Variants in GTF2A2 observed in about 807,000 individuals in gnomAD.
GTF2A2 encodes transcription initiation factor IIA subunit 2.
A neutral mutation model predicts 14.3 loss-of-function variants in GTF2A2; 9 were observed. That is an observed-to-expected ratio of 0.63 (90% CI 0.38 to 1.10). The LOEUF (loss-of-function observed/expected upper bound fraction) is 1.10. Ranked by LOEUF, GTF2A2 falls within the 50% of genes least tolerant of loss-of-function variation. GTF2A2 has a pLI of 0.01. For synonymous variants in GTF2A2, 56 were observed against 46.0 expected (o/e 1.22, Z -0.88); for missense variants, 90 against 124.6 (o/e 0.72, Z 1.32).
intron 3 of GTF2A2, among the ~76,000 whole-genome samples, chr15:59,648,976 T>C (rs1891707427): frequency 1.3e-5 from 2 of 151,992 alleles, no homozygotes; most frequent in African/African-American, 2.4e-5. Flanking sequence ...TATAAAACAA[T>C]TTAACATGCT....
intron 4 of GTF2A2, among the ~76,000 whole-genome samples, chr15:59,641,629 G>C (rs1285488095): frequency 6.6e-6 from 1 of 152,132 alleles, no homozygotes; most frequent in Non-Finnish European, 1.5e-5. Context: ...AAACATTTAA[G>C]GACCTGAAGA....
At chr15:59,640,474 G>A (rs1891374895) in intron 4 of GTF2A2, among the ~76,000 whole-genome samples, 1 of 152,098 alleles carries the variant, frequency 6.6e-6, no homozygotes, top group South Asian at 2.1e-4. Flanking sequence ...TGTCCAATAT[G>A]GTAACCACTG....
At position 59,639,118 on chromosome 15, in the gene GTF2A2, C is replaced by T. The variant is rs1891291406; in HGVS notation, c.*14G>A. 7.2e-7 allele frequency: 1 copy of T among 1,389,246 alleles called. No homozygotes were observed. Among genetic ancestry groups the T allele is most frequent in the Non-Finnish European group, 1.0e-6 (1 of 978,372 alleles). 86.1% of individuals were successfully genotyped at this position (1,389,246 alleles called of 1,614,324 possible). On this transcript the variant is annotated 3_prime_UTR_variant, in exon 5 of 5. Coordinates refer to ENST00000396060, the MANE Select transcript of GTF2A2 (RefSeq NM_004492.3). ...ATAACAGAAGATGGTGTAAAAAAGT[C>T]ATATTTTTTCTATTCATTCTGTAGT...
At chr15:59,641,240 T>C (rs77636978) in intron 4 of GTF2A2, among the ~76,000 whole-genome samples, 4,504 of 151,182 alleles carry the variant, frequency 0.03, 227 homozygotes, top group African/African-American at 0.1. Context: ...CATTTACTAA[T>C]GTCTACATAT....
intron 4 of GTF2A2, among the ~76,000 whole-genome samples, chr15:59,639,463 A>AT (rs1158830832): frequency 1.0e-4 from 4 of 39,234 alleles, no homozygotes; most frequent in Admixed American, 4.6e-4. Context: ...TACTGTCCCA[A>AT]ATTTTTTTTT....
chr15:59,640,378 A>T (rs1011061432), intron 4 of GTF2A2: 2 of 152,166 alleles, frequency 1.3e-5, no homozygotes, highest in African/African-American at 4.8e-5. Context: ...CAGAGGCTTT[A>T]TTTACTGATT....
chr15:59,640,397 C>G (rs1362593593), intron 4 of GTF2A2, among the ~76,000 whole-genome samples: 1 of 152,204 alleles, frequency 6.6e-6, no homozygotes, highest in African/African-American at 2.4e-5. Context: ...TTTTCTGGTT[C>G]TCAGCTATGG....
chr15:59,641,828 G>T lies in GTF2A2; in HGVS notation c.304+308C>A, dbSNP rs561452143. ...GTAAAAATTATTCCTTAAAGTAAAA[G>T]GTGTCTGAAAAGCCTGATAAACACT... On this transcript the variant is annotated intron_variant, in intron 4 of 4. Transcript: ENST00000396060. Among the ~76,000 whole-genome samples, 5 of 152,226 alleles carry T rather than the reference G, an allele frequency of 3.3e-5. No individual in the cohort carries two copies. The East Asian group carries it at 9.6e-4, about 29-fold the overall frequency.
chr15:59,645,413 G>A (rs184681474), intron 3 of GTF2A2, among the ~76,000 whole-genome samples: 3 of 152,192 alleles, frequency 2.0e-5, no homozygotes, highest in Admixed American at 6.5e-5. Flanking sequence ...AGAGCAACAG[G>A]CCAGGGAATA....
Position 59,657,445 on chromosome 15 carries a change from C to A in GTF2A2, c.-89G>T, listed in dbSNP as rs1024748847. 11 of 152,554 alleles carry A rather than the reference C, an allele frequency of 7.2e-5. No individual in the cohort carries two copies. The highest frequency in any genetic ancestry group is 2.7e-4 in the African/African-American group (11 of 41,480). The allele number at this position is 152,554 out of a possible 1,614,324, so 9.5% of individuals were successfully genotyped here. The stretch of plus-strand genomic sequence containing the variant: ...CTTCCCTCCGCGGAGCGGACAGAAG[C>A]CGCCACGAGCCCGGCAGGAGGTTCC... On this transcript the variant is annotated 5_prime_UTR_variant, in exon 1 of 5. Coordinates refer to ENST00000396060, the MANE Select transcript of GTF2A2 (RefSeq NM_004492.3).
intron 3 of GTF2A2, among the ~76,000 whole-genome samples, chr15:59,647,162 G>C (rs1891633106): frequency 6.6e-6 from 1 of 152,080 alleles, no homozygotes; most frequent in Non-Finnish European, 1.5e-5. Flanking sequence ...GCATGATCAT[G>C]GCTCACTGCA....
chr15:59,646,717 A>G (rs1335624759), intron 3 of GTF2A2, among the ~76,000 whole-genome samples: 2 of 152,226 alleles, frequency 1.3e-5, no homozygotes, highest in Non-Finnish European at 2.9e-5. Flanking sequence ...ATTAAAGTAT[A>G]TTAAATGCCT....
intron 4 of GTF2A2, among the ~76,000 whole-genome samples, chr15:59,639,892 A>C (rs1167437970): frequency 6.6e-6 from 1 of 152,090 alleles, no homozygotes; most frequent in African/African-American, 2.4e-5. Context: ...CTGGGATTAC[A>C]GGCGGGTACC....
chr15:59,639,462 A>C (rs949695543), intron 4 of GTF2A2, among the ~76,000 whole-genome samples: 33 of 42,446 alleles, frequency 7.8e-4, no homozygotes, highest in African/African-American at 1.8e-3. Flanking sequence ...TTACTGTCCC[A>C]AATTTTTTTT....
At chr15:59,657,092 C>G (rs1303357405) in intron 1 of GTF2A2, 2 of 152,258 alleles carry the variant, frequency 1.3e-5, no homozygotes, top group Non-Finnish European at 2.9e-5. Flanking sequence ...GCAAAACTCA[C>G]AGGGCGCTAG....
At chr15:59,648,699 T>C (rs1193083314) in intron 3 of GTF2A2, among the ~76,000 whole-genome samples, 6 of 150,772 alleles carry the variant, frequency 4.0e-5, no homozygotes, top group Admixed American at 2.6e-4. Flanking sequence ...CTTTGGGAGG[T>C]CGAGGTGGGC....
intron 1 of GTF2A2, 107 bp from the exon 2 acceptor site, chr15:59,652,433 C>T (rs1891821841): frequency 8.9e-6 from 5 of 560,508 alleles, no homozygotes; most frequent in Non-Finnish European, 6.3e-6. Flanking sequence ...TAGGAGAACG[C>T]TTAGTGGTTG....
intron 1 of GTF2A2, among the ~76,000 whole-genome samples, chr15:59,653,734 C>T (rs568886566): frequency 6.6e-6 from 1 of 152,272 alleles, no homozygotes; most frequent in Non-Finnish European, 1.5e-5. Context: ...AAACTGCCTG[C>T]TTGACACTGG....
At chr15:59,651,668 G>A (rs1454220210) in intron 2 of GTF2A2, 1 of 151,986 alleles carries the variant, frequency 6.6e-6, no homozygotes. Context: ...TTTTTATGTT[G>A]AACAAAAATT....
Sources: allele counts gnomAD v4.1 joint callset (sites outside exome capture counted in the v4.1 genomes callset), GRCh38; gene constraint gnomAD v4.1.1; transcripts MANE v1.5; gene names NCBI Gene and HGNC (gene_info 2026-07-23, HGNC 2026-07-21).